TMTC2: variants seen among roughly 807,000 people sequenced by gnomAD.
TMTC2 encodes transmembrane O-mannosyltransferase targeting cadherins 2, also known as protein O-mannosyl-transferase TMTC2.
In TMTC2, 43 loss-of-function variants were observed where a neutral mutation model predicts 82.4. The observed-to-expected ratio is 0.52, with a 90% CI of 0.41 to 0.67. The LOEUF is 0.67. TMTC2 is among the 30% of genes least tolerant of loss of function. The probability of loss-of-function intolerance (pLI) is 0.00; values close to 1 mark genes in which losing one functional copy is unlikely to be tolerated. For missense variants in TMTC2, 919 were observed against 1,012.4 expected (o/e 0.91, Z 1.25); for synonymous variants, 408 against 381.9 (o/e 1.07, Z -0.80).
At chr12:82,986,456 G>A (rs765270419) in intron 8 of TMTC2, 2 of 156,632 alleles carry the variant, frequency 1.3e-5, no homozygotes, top group Admixed American at 6.2e-5. Flanking sequence ...GATCGTTGAT[G>A]TAACTTTGAA....
At chr12:83,020,654 A>T (rs1382938212) in intron 8 of TMTC2, among the ~76,000 whole-genome samples, 2 of 98,520 alleles carry the variant, frequency 2.0e-5, no homozygotes, top group African/African-American at 6.1e-5. Flanking sequence ...CTTTGAGCTT[A>T]GTGTCAGGAT....
chr12:82,839,668 T>C (rs1244130611), intron 1 of TMTC2, among the ~76,000 whole-genome samples: 1 of 152,144 alleles, frequency 6.6e-6, no homozygotes, highest in Non-Finnish European at 1.5e-5. Flanking sequence ...CAGAAGACAT[T>C]ATGGTTGTTT....
At chr12:82,827,176 G>C (rs532041497) in intron 1 of TMTC2, among the ~76,000 whole-genome samples, 1 of 152,246 alleles carries the variant, frequency 6.6e-6, no homozygotes, top group Non-Finnish European at 1.5e-5. Flanking sequence ...GACATTGAAA[G>C]TTAGCTAACT....
intron 1 of TMTC2, among the ~76,000 whole-genome samples, chr12:82,839,326 T>G (rs1408330473): frequency 6.6e-6 from 1 of 152,202 alleles, no homozygotes; most frequent in Non-Finnish European, 1.5e-5. Context: ...TGAGAATCTA[T>G]CTATTCTGAG....
At chr12:82,879,546 A>G (rs889224370) in intron 2 of TMTC2, among the ~76,000 whole-genome samples, 3 of 152,182 alleles carry the variant, frequency 2.0e-5, no homozygotes, top group African/African-American at 7.2e-5. Flanking sequence ...TCAGTTCCTA[A>G]CAGGCCATGG....
chr12:82,825,632 T>C (rs1256538637), intron 1 of TMTC2, among the ~76,000 whole-genome samples: 1 of 152,172 alleles, frequency 6.6e-6, no homozygotes, highest in African/African-American at 2.4e-5. Context: ...CACCCTATCA[T>C]AATGTAAAAT....
Position 82,752,506 on chromosome 12 carries a change from CAAAG to C in TMTC2, c.83+64840_83+64843del, listed in dbSNP as rs1176851089. 3.9e-5 allele frequency among the ~76,000 whole-genome samples: 6 copies of C among 151,962 alleles called. No individual in the cohort carries two copies. The East Asian group carries it at 1.2e-3, about 29-fold the overall frequency. ...ATCTCAAAAACAAAACAAAACAAAA[CAAAG>C]AATCTTAGGGCTGGAGTTACCCTGA... On this transcript the variant is annotated intron_variant, in intron 1 of 11. Coordinates refer to ENST00000321196, the MANE Select transcript of TMTC2 (RefSeq NM_152588.3).
intron 11 of TMTC2, among the ~76,000 whole-genome samples, chr12:83,114,443 C>A (rs1260684111): frequency 6.6e-6 from 1 of 152,052 alleles, no homozygotes; most frequent in African/African-American, 2.4e-5. Context: ...TTTAAGCCAC[C>A]CAGTTTTGAA....
chr12:82,740,390 T>C (rs1875336964), intron 1 of TMTC2, among the ~76,000 whole-genome samples: 1 of 152,228 alleles, frequency 6.6e-6, no homozygotes, highest in Non-Finnish European at 1.5e-5. Flanking sequence ...TGGAACAGAC[T>C]ATCTAATGGC....
At chr12:82,943,810 A>C (rs1007933805) in intron 4 of TMTC2, among the ~76,000 whole-genome samples, 9 of 152,208 alleles carry the variant, frequency 5.9e-5, no homozygotes, top group Admixed American at 5.9e-4. Flanking sequence ...AGAGTGATAG[A>C]CATCATATTA....
intron 9 of TMTC2, among the ~76,000 whole-genome samples, chr12:83,042,055 A>G (rs1295728335): frequency 6.6e-6 from 1 of 152,204 alleles, no homozygotes; most frequent in Non-Finnish European, 1.5e-5. Flanking sequence ...AATTAAAACA[A>G]TTGCTCTCAA....
chr12:82,836,131 C>T (rs1870027225), intron 1 of TMTC2, among the ~76,000 whole-genome samples: 1 of 141,348 alleles, frequency 7.1e-6, no homozygotes, highest in African/African-American at 3.2e-5. Flanking sequence ...CGTAATGCCT[C>T]TGGAGAATGG....
chr12:82,971,286 T>A (rs1878435702), intron 7 of TMTC2, among the ~76,000 whole-genome samples: 1 of 152,118 alleles, frequency 6.6e-6, no homozygotes, highest in South Asian at 2.1e-4. Flanking sequence ...TTTTACTATG[T>A]CAAAATAGTT....
intron 1 of TMTC2, among the ~76,000 whole-genome samples, chr12:82,831,357 A>G (rs1013910580): frequency 3.3e-5 from 5 of 152,208 alleles, no homozygotes; most frequent in African/African-American, 1.2e-4. Flanking sequence ...CCAAAATGGG[A>G]AGGGGAAAGA....
At chr12:82,737,308 C>CTT (rs1427426221) in intron 1 of TMTC2, among the ~76,000 whole-genome samples, 2 of 152,108 alleles carry the variant, frequency 1.3e-5, no homozygotes, top group Non-Finnish European at 2.9e-5. Context: ...GCTAAACAGT[C>CTT]TAACACTTTT....
At chr12:82,812,547 T>C (rs936992418) in intron 1 of TMTC2, among the ~76,000 whole-genome samples, 1 of 152,098 alleles carries the variant, frequency 6.6e-6, no homozygotes, top group Non-Finnish European at 1.5e-5. Context: ...AAATGGAATT[T>C]TATTAAATTA....
At chr12:82,876,437 T>C (rs1177227009) in intron 2 of TMTC2, among the ~76,000 whole-genome samples, 1 of 152,134 alleles carries the variant, frequency 6.6e-6, no homozygotes, top group African/African-American at 2.4e-5. Context: ...TCTTCATGTC[T>C]CTCTAAAAAT....
intron 10 of TMTC2, among the ~76,000 whole-genome samples, chr12:83,054,973 C>G (rs1288690379): frequency 6.6e-6 from 1 of 151,990 alleles, no homozygotes; most frequent in Non-Finnish European, 1.5e-5. Flanking sequence ...GTTCTATAAC[C>G]TACAGACTCT....
At chr12:82,907,995 C>T (rs1429549474) in intron 3 of TMTC2, among the ~76,000 whole-genome samples, 2 of 151,942 alleles carry the variant, frequency 1.3e-5, no homozygotes, top group African/African-American at 2.4e-5. Context: ...ACCTGTAGTC[C>T]CAGCTACTCA....
Sources: gnomAD v4.1 joint callset for allele counts (sites outside exome capture counted in the v4.1 genomes callset) on GRCh38, gnomAD v4.1.1 for gene constraint, MANE v1.5 for transcripts, NCBI Gene and HGNC (gene_info 2026-07-23, HGNC 2026-07-21) for gene names.